Variants in MTUS1 observed in about 807,000 individuals in gnomAD.
MTUS1 encodes the protein microtubule associated scaffold protein 1.
A neutral mutation model predicts 120.8 loss-of-function variants in MTUS1; 109 were observed. The ratio of observed to expected loss-of-function variants is 0.90; its 90% CI spans 0.77 to 1.06. MTUS1 has a LOEUF of 1.06. Ranked by LOEUF, MTUS1 falls within the 50% of genes least tolerant of loss-of-function variation. The pLI, the probability that MTUS1 is intolerant of heterozygous loss-of-function variation, is 0.00. For missense variants in MTUS1, 2,210 were observed against 1,486.3 expected (o/e 1.49, Z -8.01); for synonymous variants, 737 against 550.5 (o/e 1.34, Z -4.74).
At chr8:17,700,176 T>C (rs1273356418) in intron 6 of MTUS1, among the ~76,000 whole-genome samples, 2 of 152,080 alleles carry the variant, frequency 1.3e-5, no homozygotes, top group Non-Finnish European at 1.5e-5. Context: ...TATGAGTCTT[T>C]ATGGGCCGGG....
At chr8:17,704,992 T>A (rs1315365869) in intron 6 of MTUS1, among the ~76,000 whole-genome samples, 1 of 152,220 alleles carries the variant, frequency 6.6e-6, no homozygotes, top group East Asian at 1.9e-4. Flanking sequence ...TTATTCTTTT[T>A]ATTTTTTTTG....
Position 17,755,080 on chromosome 8 carries a change from T to C in MTUS1, c.728A>G (p.Tyr243Cys). ...CATCACCACATCAGAAAATGCTGTG[T>C]AAGTCATGTCTTGGGCTTCTGATGG... is the stretch of plus-strand genomic sequence containing the variant. ...VTPSEAQDMTYTAFSDVVMQS... is the reference protein window; with the variant it reads ...VTPSEAQDMTCTAFSDVVMQS... Residue 243 changes from tyrosine to cysteine, a missense_variant, in exon 2 of 15, where the codon TAC (tyrosine) becomes TGC (cysteine). Transcript: ENST00000693296. 2.5e-6 allele frequency: 4 copies of C among 1,613,882 alleles called. No individual in the cohort carries two copies. Among genetic ancestry groups the C allele is most frequent in the Non-Finnish European group, 3.4e-6 (4 of 1,180,032 alleles).
intron 4 of MTUS1, chr8:17,721,888 C>T (rs779459672): frequency 1.2e-6 from 2 of 1,613,590 alleles, no homozygotes; most frequent in East Asian, 2.2e-5. Flanking sequence ...GCGAAATCCT[C>T]CTGGTACAGT....
chr8:17,759,392 T>G (rs1237315063), intron 1 of MTUS1, among the ~76,000 whole-genome samples: 1 of 151,472 alleles, frequency 6.6e-6, no homozygotes, highest in Non-Finnish European at 1.5e-5. Flanking sequence ...GCCTCCCGAG[T>G]AGCTGTGACT....
chr8:17,755,642 C>A lies in MTUS1; in HGVS notation c.166G>T (p.Val56Phe), dbSNP rs370181807. The change falls in exon 2 of 15, where the codon GTT becomes TTT. Residue 56 changes from valine to phenylalanine, a missense_variant. Coordinates refer to ENST00000693296, the MANE Select transcript of MTUS1 (RefSeq NM_001363059.2). Reference protein sequence around the residue: ...WNSANPDDMVVDYETDPAVVT... With the variant: ...WNSANPDDMVFDYETDPAVVT... The stretch of plus-strand genomic sequence containing the variant: ...ACAGCAGGGTCAGTTTCATAATCAA[C>A]CACCATGTCATCTGGGTTGGCAGAA... 3 of 1,614,224 alleles carry A rather than the reference C, an allele frequency of 1.9e-6. No homozygotes were observed. Among genetic ancestry groups the A allele is most frequent in the Non-Finnish European group, 2.5e-6 (3 of 1,180,032 alleles).
intron 8 of MTUS1, chr8:17,674,856 G>C (rs1461182791): frequency 1.8e-6 from 2 of 1,126,298 alleles, no homozygotes; most frequent in African/African-American, 1.6e-5. Flanking sequence ...CATATGAAAA[G>C]TGCTTCAGAA....
intron 6 of MTUS1, among the ~76,000 whole-genome samples, chr8:17,704,353 A>AG (rs1458336010): frequency 1.3e-5 from 2 of 152,282 alleles, no homozygotes; most frequent in Admixed American, 1.3e-4. Context: ...TACCAAGAAA[A>AG]ATGACATGAA....
At chr8:17,784,723 T>C (rs2051156068) in intron 1 of MTUS1, among the ~76,000 whole-genome samples, 1 of 152,120 alleles carries the variant, frequency 6.6e-6, no homozygotes, top group East Asian at 1.9e-4. Context: ...AATGGGGGCA[T>C]TTCTCACACC....
chr8:17,645,820 T>C lies in MTUS1; in HGVS notation c.*106A>G. 7.0e-7 allele frequency: 1 copy of C among 1,432,772 alleles called. No individual in the cohort carries two copies. The highest frequency in any genetic ancestry group is 9.3e-7 in the Non-Finnish European group (1 of 1,079,174). 88.8% of individuals were successfully genotyped at this position (1,432,772 alleles called of 1,614,324 possible). ...TGACGCTCCAGTTACCCTACGGTGA[T>C]CACACGTGTGCTGATATACCTCTTG... On this transcript the variant is annotated 3_prime_UTR_variant, in exon 15 of 15. Coordinates refer to ENST00000693296, the MANE Select transcript of MTUS1 (RefSeq NM_001363059.2).
At chr8:17,686,347 C>T (rs1175451661) in intron 6 of MTUS1, among the ~76,000 whole-genome samples, 1 of 152,176 alleles carries the variant, frequency 6.6e-6, no homozygotes, top group Non-Finnish European at 1.5e-5. Context: ...TAATATCTTG[C>T]TATAATACAT....
chr8:17,711,812 C>T (rs146899858), intron 6 of MTUS1, among the ~76,000 whole-genome samples: 1 of 152,238 alleles, frequency 6.6e-6, no homozygotes, highest in East Asian at 1.9e-4. Flanking sequence ...TTTTCTTTCA[C>T]TTGAATATTC....
At chr8:17,717,073 T>G (rs1416564670) in intron 4 of MTUS1, among the ~76,000 whole-genome samples, 1 of 152,240 alleles carries the variant, frequency 6.6e-6, no homozygotes, top group Non-Finnish European at 1.5e-5. Context: ...GCTACAATAG[T>G]GCTTATACAC....
intron 1 of MTUS1, among the ~76,000 whole-genome samples, chr8:17,795,891 C>T (rs990939603): frequency 2.0e-5 from 3 of 152,042 alleles, no homozygotes; most frequent in Admixed American, 6.6e-5. Context: ...CTGCCTTGGC[C>T]TCCCAAATTG....
intron 1 of MTUS1, among the ~76,000 whole-genome samples, chr8:17,782,677 C>T (rs2050964138): frequency 6.6e-6 from 1 of 152,168 alleles, no homozygotes; most frequent in Non-Finnish European, 1.5e-5. Flanking sequence ...TTCTTTATCC[C>T]TAACTTGGAT....
At chr8:17,682,102 G>C (rs75096552) in intron 7 of MTUS1, among the ~76,000 whole-genome samples, 2,946 of 152,244 alleles carry the variant, frequency 0.019, 108 homozygotes, top group African/African-American at 0.068. Flanking sequence ...CTGTAGATAA[G>C]GGAGAACCAC....
rs773734615 is a variant in MTUS1, at chr8:17,755,439, G to A, written c.369C>T (p.Ser123=). 3 of 1,614,148 alleles carry A rather than the reference G, an allele frequency of 1.9e-6. No individual in the cohort carries two copies. Among genetic ancestry groups the A allele is most frequent in the Non-Finnish European group, 1.7e-6 (2 of 1,180,016 alleles). The change falls in exon 2 of 15, where the codon TCC becomes TCT. Residue 123 remains serine (S), a synonymous_variant. Coordinates refer to ENST00000693296, the MANE Select transcript of MTUS1 (RefSeq NM_001363059.2). ...CACTCTGGCCCTCAACTGCTTCTAG[G>A]GAATGACAACTGTGTTGCAGATATT... ...KPKYLQHSCH[S]LEAVEGQSVE...
intron 1 of MTUS1, among the ~76,000 whole-genome samples, chr8:17,756,679 C>CCCCCCCCCA (rs58787907): frequency 2.3e-4 from 28 of 123,506 alleles, no homozygotes; most frequent in South Asian, 1.0e-3. Context: ...AAACCCCCAC[C>CCCCCCCCCA]CCTTATGTAA....
At chr8:17,657,983 A>C (rs1409923579) in intron 8 of MTUS1, among the ~76,000 whole-genome samples, 1 of 151,116 alleles carries the variant, frequency 6.6e-6, no homozygotes, top group Non-Finnish European at 1.5e-5. Flanking sequence ...ATACATATAC[A>C]TATATAATAC....
chr8:17,757,293 G>A (rs1459504006), intron 1 of MTUS1, among the ~76,000 whole-genome samples: 1 of 152,028 alleles, frequency 6.6e-6, no homozygotes, highest in Non-Finnish European at 1.5e-5. Context: ...AATGAAAGAA[G>A]CCAGTCATGA....
Sources: gnomAD v4.1 joint callset for allele counts (sites outside exome capture counted in the v4.1 genomes callset) on GRCh38, gnomAD v4.1.1 for gene constraint, MANE v1.5 for transcripts, NCBI Gene and HGNC (gene_info 2026-07-23, HGNC 2026-07-21) for gene names.